C11orf65: variants seen among roughly 807,000 people sequenced by gnomAD.
The protein encoded by C11orf65 is protein MFI.
Under a neutral mutation model 35.3 loss-of-function variants are expected in C11orf65, and 38 were observed. The ratio of observed to expected loss-of-function variants is 1.08; its 90% CI spans 0.83 to 1.41. The LOEUF (loss-of-function observed/expected upper bound fraction) is 1.41, where lower values mean the gene tolerates loss of function less well. Ranked by LOEUF, C11orf65 falls within the 40% of genes most tolerant of loss-of-function variation. The pLI, the probability that C11orf65 is intolerant of heterozygous loss-of-function variation, is 0.00. For synonymous variants in C11orf65, 105 were observed against 114.4 expected (o/e 0.92, Z 0.53); for missense variants, 370 against 367.1 (o/e 1.01, Z -0.06).
In C11orf65 at chr11:108,316,850, TGGGA is replaced by T. The variant is rs575571418; in HGVS notation, c.641-7783_641-7780del. 2.1e-3 allele frequency among the ~76,000 whole-genome samples: 315 copies of T among 151,114 alleles called. 1 individual carries two copies. The highest frequency in any genetic ancestry group is 7.1e-3 in the African/African-American group (294 of 41,200). On this transcript the variant is annotated intron_variant, in intron 6 of 6. Transcript: ENST00000525729. ...CTGAGGCAGGAGAATGGCGTGAACC[TGGGA>T]GGCAGAGGTTGCAGTGAGCCGAGAT...
chr11:108,420,778 A>T (rs1381589376), intron 3 of C11orf65, among the ~76,000 whole-genome samples: 4 of 151,824 alleles, frequency 2.6e-5, no homozygotes, highest in Non-Finnish European at 5.9e-5. Context: ...TTTTAATTTA[A>T]TTTTTTATTT....
intron 6 of C11orf65, among the ~76,000 whole-genome samples, chr11:108,393,682 G>T (rs552502451): frequency 6.6e-6 from 1 of 152,180 alleles, no homozygotes; most frequent in African/African-American, 2.4e-5. Flanking sequence ...AAGGGTCTTA[G>T]AAACCAAATA....
downstream of C11orf65, among the ~76,000 whole-genome samples, chr11:108,328,308 G>A (rs4988114): frequency 5.5e-3 from 832 of 152,216 alleles, 4 homozygotes; most frequent in African/African-American, 0.018. Flanking sequence ...GTGCAGTGGC[G>A]CAATCTCGGC....
chr11:108,401,057 C>A (rs528634885), intron 6 of C11orf65, among the ~76,000 whole-genome samples: 1 of 151,580 alleles, frequency 6.6e-6, no homozygotes, highest in East Asian at 1.9e-4. Flanking sequence ...TGCAGTGAGC[C>A]GAGATTGCGC....
chr11:108,349,897 G>A (rs2088977130), intron 2 of C11orf65, among the ~76,000 whole-genome samples: 1 of 152,176 alleles, frequency 6.6e-6, no homozygotes, highest in Admixed American at 6.5e-5. Flanking sequence ...AGGCATGTTA[G>A]CTTTTCTGCT....
chr11:108,426,188 G>T (rs1181743239), intron 3 of C11orf65, among the ~76,000 whole-genome samples: 1 of 152,156 alleles, frequency 6.6e-6, no homozygotes, highest in Non-Finnish European at 1.5e-5. Context: ...TATTCAAATA[G>T]AAAGAGAGGA....
At chr11:108,425,767 A>G (rs953202891) in intron 3 of C11orf65, among the ~76,000 whole-genome samples, 1 of 152,216 alleles carries the variant, frequency 6.6e-6, no homozygotes, top group Non-Finnish European at 1.5e-5. Flanking sequence ...TGGCAAACCG[A>G]ATCTAGCAGC....
rs145738879 is a variant in C11orf65, at chr11:108,319,036, G to T, written c.641-9965C>A. On this transcript the variant is annotated intron_variant, in intron 6 of 6. Coordinates refer to the C11orf65 transcript ENST00000525729. Reference sequence around the variant, plus strand: ...ACAAAAAAATACAAAAGTTAGCTGGGCAAGGTAGCATGCATCTGTAGTCCC... The same window carrying T: ...ACAAAAAAATACAAAAGTTAGCTGGTCAAGGTAGCATGCATCTGTAGTCCC... Among the ~76,000 whole-genome samples the T allele has an allele frequency of 2.0e-5, 3 of 152,152 alleles. No individual in the cohort carries two copies. The East Asian group carries it at 5.8e-4, about 30-fold the overall frequency.
chr11:108,325,993 T>C, intron 6 of C11orf65: 1 of 1,562,288 alleles, frequency 6.4e-7, no homozygotes, highest in Non-Finnish European at 8.8e-7. Context: ...TTCATTATTA[T>C]TATTATTCAT....
intron 2 of C11orf65, chr11:108,368,629 T>C (rs934088353): frequency 6.4e-5 from 14 of 217,724 alleles, no homozygotes; most frequent in Non-Finnish European, 1.2e-4. Context: ...TGCCAGTCAG[T>C]TGCTCAAAAG....
chr11:108,370,477 TC>T (rs1338924389), intron 2 of C11orf65, among the ~76,000 whole-genome samples: 1 of 151,354 alleles, frequency 6.6e-6, no homozygotes, highest in Non-Finnish European at 1.5e-5. Context: ...TTTTTTTTTT[TC>T]CTTGCCTCAT....
chr11:108,453,340 G>A (rs138300282), intron 2 of C11orf65, among the ~76,000 whole-genome samples: 343 of 149,470 alleles, frequency 2.3e-3, no homozygotes, highest in Admixed American at 6.4e-3. Context: ...GAAAATACAG[G>A]AAGAACAGAT....
intron 2 of C11orf65, among the ~76,000 whole-genome samples, chr11:108,357,996 T>C (rs1385081651): frequency 6.8e-6 from 1 of 147,094 alleles, no homozygotes; most frequent in Admixed American, 6.8e-5. Context: ...CAAATTACTC[T>C]GAGCTACGGG....
intron 3 of C11orf65, among the ~76,000 whole-genome samples, chr11:108,420,366 A>C (rs2092798126): frequency 1.3e-5 from 2 of 152,216 alleles, no homozygotes; most frequent in Admixed American, 6.5e-5. Context: ...GGGCAGAAGA[A>C]GAGTTGGAAC....
chr11:108,347,241 A>C, intron 2 of C11orf65: 1 of 1,410,090 alleles, frequency 7.1e-7, no homozygotes, highest in Non-Finnish European at 1.0e-6. Flanking sequence ...AAGAGATGGA[A>C]TCAGTGATTT....
At chr11:108,321,726 T>G (rs1400907373) in intron 6 of C11orf65, among the ~76,000 whole-genome samples, 1 of 151,368 alleles carries the variant, frequency 6.6e-6, no homozygotes, top group Non-Finnish European at 1.5e-5. Context: ...AGGCAGAGGT[T>G]GTGGTGAGCC....
intron 2 of C11orf65, among the ~76,000 whole-genome samples, chr11:108,350,029 AT>A (rs1407329614): frequency 6.6e-6 from 1 of 152,192 alleles, no homozygotes; most frequent in Non-Finnish European, 1.5e-5. Flanking sequence ...TTTGCTAAGA[AT>A]TGGAGGGATG....
chr11:108,376,536 C>A (rs1393326352), intron 2 of C11orf65, among the ~76,000 whole-genome samples: 1 of 151,092 alleles, frequency 6.6e-6, no homozygotes, highest in East Asian at 1.9e-4. Flanking sequence ...AGGAAAGATC[C>A]AAAATTGACA....
intron 8 of C11orf65, among the ~76,000 whole-genome samples, chr11:108,384,348 T>C (rs892828023): frequency 6.6e-6 from 1 of 152,162 alleles, no homozygotes. Flanking sequence ...TAATGGAGTA[T>C]GCATTATGAG....
Sources: gnomAD v4.1 joint callset for allele counts (sites outside exome capture counted in the v4.1 genomes callset) on GRCh38, gnomAD v4.1.1 for gene constraint, MANE v1.5 for transcripts, NCBI Gene and HGNC (gene_info 2026-07-23, HGNC 2026-07-21) for gene names.